The following SHOC1 variants were observed in gnomAD, a reference collection of about 807,000 sequenced individuals.
SHOC1 encodes protein shortage in chiasmata 1 ortholog.
Under a neutral mutation model 179.2 loss-of-function variants are expected in SHOC1, and 136 were observed. The ratio of observed to expected loss-of-function variants is 0.76; its 90% CI spans 0.66 to 0.87. The LOEUF (loss-of-function observed/expected upper bound fraction) is 0.87, where lower values mean the gene tolerates loss of function less well. Ranked by LOEUF, SHOC1 falls within the 40% of genes least tolerant of loss-of-function variation. The probability of loss-of-function intolerance (pLI) is 0.00; values close to 1 mark genes in which losing one functional copy is unlikely to be tolerated. For missense variants in SHOC1, 1,538 were observed against 1,700.8 expected (o/e 0.90, Z 1.68); for synonymous variants, 489 against 586.6 (o/e 0.83, Z 2.41).
chr9:111,692,511 G>A lies in SHOC1; in HGVS notation c.3466C>T (p.His1156Tyr). 1 of 1,539,160 alleles carries A rather than the reference G, an allele frequency of 6.5e-7. No individual in the cohort carries two copies. Among genetic ancestry groups the A allele is most frequent in the South Asian group, 1.2e-5 (1 of 81,256 alleles). ...LPEVPEKVLKHFCSITSLFKI... is the reference protein window; with the variant it reads ...LPEVPEKVLKYFCSITSLFKI... Reference sequence around the variant, plus strand: ...AATAGGGAAGTGATGCTACAAAAATGCTAAAAAATGAATTAATATAATGCA... The same window carrying A: ...AATAGGGAAGTGATGCTACAAAAATACTAAAAAATGAATTAATATAATGCA... Residue 1156 changes from histidine to tyrosine, a missense_variant and splice_region_variant, in exon 27 of 28, where the codon CAT becomes TAT. By Grantham distance (83) the His-to-Tyr change is moderately conservative. Transcript: ENST00000682961.
intron 24 of SHOC1, among the ~76,000 whole-genome samples, chr9:111,696,600 T>C (rs1037951695): frequency 6.6e-6 from 1 of 152,218 alleles, no homozygotes; most frequent in African/African-American, 2.4e-5. Flanking sequence ...ATAGACTTGT[T>C]TGGAATGGAT....
intron 4 of SHOC1, among the ~76,000 whole-genome samples, chr9:111,780,321 C>A (rs1304207770): frequency 6.6e-6 from 1 of 152,180 alleles, no homozygotes; most frequent in Admixed American, 6.5e-5. Flanking sequence ...AGTGAAGCAA[C>A]AGAGTAAATT....
At chr9:111,719,304 CTG>C (rs1397221975) in intron 15 of SHOC1, among the ~76,000 whole-genome samples, 20 of 152,136 alleles carry the variant, frequency 1.3e-4, no homozygotes, top group African/African-American at 4.8e-4. Flanking sequence ...TATCTCAACT[CTG>C]GGGCCAATGA....
rs1410467249 is a variant in SHOC1 at position 111,727,724 on chromosome 9, A to C, written c.1743T>G (p.Asp581Glu). The change falls in exon 13 of 28, where the codon GAT becomes GAG. Residue 581 changes from aspartate (D) to glutamate (E), a missense_variant. By Grantham distance (45) the Asp-to-Glu change is conservative. Coordinates refer to ENST00000682961, the MANE Select transcript of SHOC1 (RefSeq NM_001378211.1). ...TAATAAAGTCGCTCAAAAGGTCCAA[A>C]TCATTCTCTTGTTTTTTGCCATGTT... ...SFEHGKKQENDLDLLSDFIML... is the reference protein window; with the variant it reads ...SFEHGKKQENELDLLSDFIML... 1.2e-6 allele frequency: 2 copies of C among 1,613,210 alleles called. No homozygotes were observed. The highest frequency in any genetic ancestry group is 2.2e-5 in the East Asian group (1 of 44,764).
Position 111,686,815 on chromosome 9 carries a change from T to A in SHOC1, c.4482A>T (p.Lys1494Asn), listed in dbSNP as rs749152306. 1 of 1,613,768 alleles carries A rather than the reference T, an allele frequency of 6.2e-7. No individual in the cohort carries two copies. The highest frequency in any genetic ancestry group is 8.5e-7 in the Non-Finnish European group (1 of 1,179,742). The change falls in exon 28 of 28, where the codon AAA becomes AAT. Residue 1494 changes from lysine (K) to asparagine (N), a missense_variant. Coordinates refer to ENST00000682961, the MANE Select transcript of SHOC1 (RefSeq NM_001378211.1). ...QFKKRRLAYE[K>N]VPGRVDGQTR... ...TCTGCCCATCAACTCTACCAGGGAC[T>A]TTTTCATATGCTAGACGTCGTTTTT...
intron 2 of SHOC1, among the ~76,000 whole-genome samples, chr9:111,790,614 G>A (rs988864565): frequency 3.7e-5 from 5 of 135,930 alleles, no homozygotes; most frequent in South Asian, 2.5e-4. Context: ...GCGCAGTCTC[G>A]GCTCACTGCA....
Position 111,758,679 on chromosome 9 carries a change from T to G in SHOC1, c.596+16A>C. ...CTCTTAAAAATATTTACAGCATTGG[T>G]CAATTAAGTAAGTACCTGGAAAAAT... On this transcript the variant is annotated intron_variant, in intron 6 of 27. Coordinates refer to ENST00000682961, the MANE Select transcript of SHOC1 (RefSeq NM_001378211.1). 6.4e-7 allele frequency: 1 copy of G among 1,559,030 alleles called. No individual in the cohort carries two copies. Among genetic ancestry groups the G allele is most frequent in the Non-Finnish European group, 8.6e-7 (1 of 1,159,020 alleles).
chr9:111,769,567 C>G (rs145992421), intron 5 of SHOC1, among the ~76,000 whole-genome samples: 3,216 of 152,252 alleles, frequency 0.021, 55 homozygotes, highest in Admixed American at 0.046. Flanking sequence ...CATTAACCTC[C>G]CAGGCTCAAT....
intron 7 of SHOC1, among the ~76,000 whole-genome samples, chr9:111,757,419 A>C (rs2131563405): frequency 6.6e-6 from 1 of 152,250 alleles, no homozygotes; most frequent in East Asian, 1.9e-4. Context: ...GTTTTTTTAA[A>C]GTAGCTTTGT....
rs114126467 is a variant in SHOC1 at position 111,787,091 on chromosome 9, A to G, written c.46-1056T>C. 9.8e-3 allele frequency among the ~76,000 whole-genome samples: 1,486 copies of G among 152,068 alleles called. 28 individuals are homozygous for G. The highest frequency in any genetic ancestry group is 0.034 in the African/African-American group (1,419 of 41,476). On this transcript the variant is annotated intron_variant, in intron 2 of 27. Transcript: ENST00000682961. ...TATTGTTGAGACCTACTTTTGGGGG[A>G]AAAAAAAGATTACTTTAAAAATATT...
At position 111,794,932 on chromosome 9, in the gene SHOC1, T is replaced by A. The variant is rs946714274; in HGVS notation, c.-69A>T. ...AAAAATCGCCTCCTGCATCTCTTCCTGGGGTAAAATTCCCGCCCGCTGGAC... is the reference window on the plus strand; with the variant it reads ...AAAAATCGCCTCCTGCATCTCTTCCAGGGGTAAAATTCCCGCCCGCTGGAC... On this transcript the variant is annotated 5_prime_UTR_variant, in exon 1 of 28. Transcript: ENST00000682961. 7.2e-5 allele frequency: 11 copies of A among 152,858 alleles called. No homozygotes were observed. Among genetic ancestry groups the A allele is most frequent in the Non-Finnish European group, 1.3e-4 (9 of 68,598 alleles). The allele number at this position is 152,858 out of a possible 1,614,324, so 9.5% of individuals were successfully genotyped here.
chr9:111,689,633 A>G (rs1164170965), intron 27 of SHOC1, among the ~76,000 whole-genome samples: 3 of 150,018 alleles, frequency 2.0e-5, no homozygotes, highest in African/African-American at 7.4e-5. Flanking sequence ...AAAATTTGCC[A>G]TATTGAATGT....
At chr9:111,704,909 A>G (rs1296324551) in intron 21 of SHOC1, among the ~76,000 whole-genome samples, 1 of 152,160 alleles carries the variant, frequency 6.6e-6, no homozygotes, top group South Asian at 2.1e-4. Flanking sequence ...AAAGCACACA[A>G]AATGTTCATA....
rs768250881 is a variant in SHOC1 at position 111,690,340 on chromosome 9, C to T, written c.4426+1211G>A. On this transcript the variant is annotated intron_variant, in intron 27 of 27. Transcript: ENST00000682961. The stretch of plus-strand genomic sequence containing the variant: ...ACTTGGGAGGCTAAGATGGGAGGAT[C>T]GGTTGAGCCCGAAAGGTGGGGGTGG... Among the ~76,000 whole-genome samples, 41 of 152,074 alleles carry T rather than the reference C, an allele frequency of 2.7e-4. 1 individual carries two copies. Among genetic ancestry groups the T allele is most frequent in the Admixed American group, 5.9e-4 (9 of 15,264 alleles).
At chr9:111,751,777 C>T (rs1834600162) in intron 8 of SHOC1, among the ~76,000 whole-genome samples, 1 of 152,068 alleles carries the variant, frequency 6.6e-6, no homozygotes, top group Non-Finnish European at 1.5e-5. Flanking sequence ...TTAGTTCTCC[C>T]CTCTAAATCC....
intron 8 of SHOC1, among the ~76,000 whole-genome samples, chr9:111,752,761 T>TA (rs1393729688): frequency 1.3e-5 from 2 of 151,974 alleles, no homozygotes. Context: ...AGAGAAACTA[T>TA]AAAAAAGAAC....
intron 18 of SHOC1, among the ~76,000 whole-genome samples, chr9:111,710,053 G>A (rs1324850146): frequency 6.6e-6 from 1 of 152,152 alleles, no homozygotes; most frequent in Non-Finnish European, 1.5e-5. Context: ...GGTTATCCAA[G>A]TCCCTTTCTT....
chr9:111,753,217 G>A (rs1264358972), intron 8 of SHOC1, among the ~76,000 whole-genome samples: 1 of 152,150 alleles, frequency 6.6e-6, no homozygotes, highest in African/African-American at 2.4e-5. Context: ...TGCCTTCAAT[G>A]ATGAATTCCA....
chr9:111,690,234 G>A (rs1223235997), intron 27 of SHOC1, among the ~76,000 whole-genome samples: 1 of 152,096 alleles, frequency 6.6e-6, no homozygotes, highest in African/African-American at 2.4e-5. Flanking sequence ...GATCAGCCTG[G>A]ACAACATAAC....
Sources: gnomAD v4.1 joint callset for allele counts (sites outside exome capture counted in the v4.1 genomes callset) on GRCh38, gnomAD v4.1.1 for gene constraint, MANE v1.5 for transcripts, NCBI Gene and HGNC (gene_info 2026-07-23, HGNC 2026-07-21) for gene names.